Variants in TRIT1 observed in about 807,000 individuals in gnomAD.
TRIT1 encodes tRNA isopentenyltransferase 1, also known as tRNA dimethylallyltransferase.
In TRIT1, 43 loss-of-function variants were observed where a neutral mutation model predicts 51.2. The ratio of observed to expected loss-of-function variants is 0.84; its 90% CI spans 0.66 to 1.08. The LOEUF (loss-of-function observed/expected upper bound fraction) is 1.08, where lower values mean the gene tolerates loss of function less well. TRIT1 is among the 50% of genes least tolerant of loss of function. TRIT1 has a pLI of 0.00. For synonymous variants in TRIT1, 184 were observed against 203.9 expected (o/e 0.90, Z 0.83); for missense variants, 528 against 578.4 (o/e 0.91, Z 0.89).
chr1:39,854,152 T>C lies in TRIT1; in HGVS notation c.316-84A>G, dbSNP rs983973344. 1.0e-5 allele frequency: 10 copies of C among 1,001,098 alleles called. No homozygotes were observed. The African/African-American group carries it at 1.6e-4, about 16-fold the overall frequency. 62.0% of individuals were successfully genotyped at this position (1,001,098 alleles called of 1,614,324 possible). ...ACCATTAGCAAGAAACCACATTCAT[T>C]TATCTGCAGAGCAGAGGAGAAAGGG... On this transcript the variant is annotated intron_variant, in intron 2 of 10. Coordinates refer to ENST00000316891, the MANE Select transcript of TRIT1 (RefSeq NM_017646.6).
At chr1:39,871,911 A>G (rs945676655) in intron 1 of TRIT1, among the ~76,000 whole-genome samples, 1 of 151,960 alleles carries the variant, frequency 6.6e-6, no homozygotes, top group Admixed American at 6.6e-5. Flanking sequence ...AATTTTTAAA[A>G]ATGTTTTTTT....
At position 39,854,088 on chromosome 1, in the gene TRIT1, T is replaced by C. The variant is rs1209083069; in HGVS notation, c.316-20A>G. The C allele has an allele frequency of 3.9e-6, 6 of 1,528,604 alleles. No homozygotes were observed. Among genetic ancestry groups the C allele is most frequent in the Non-Finnish European group, 5.4e-6 (6 of 1,112,592 alleles). 94.7% of individuals were successfully genotyped at this position (1,528,604 alleles called of 1,614,324 possible). On this transcript the variant is annotated intron_variant, in intron 2 of 10. Transcript: ENST00000316891. Reference sequence around the variant, plus strand: ...TTCAATGTGAACATTAAGAAAGATATCACGATATCAAGAGAATCCTGACTC... The same window carrying C: ...TTCAATGTGAACATTAAGAAAGATACCACGATATCAAGAGAATCCTGACTC...
intron 1 of TRIT1, among the ~76,000 whole-genome samples, chr1:39,866,001 A>T (rs886277939): frequency 3.3e-5 from 5 of 150,640 alleles, no homozygotes; most frequent in Admixed American, 2.7e-4. Context: ...AAGGGAGGAA[A>T]GAAAGGGAAG....
chr1:39,842,153 C>T (rs572733410), intron 10 of TRIT1, among the ~76,000 whole-genome samples: 2 of 152,344 alleles, frequency 1.3e-5, no homozygotes, highest in South Asian at 4.1e-4. Flanking sequence ...AGGTACTTTA[C>T]ATCACCAATC....
At chr1:39,880,992 T>G (rs530273788) in intron 1 of TRIT1, among the ~76,000 whole-genome samples, 1 of 151,714 alleles carries the variant, frequency 6.6e-6, no homozygotes, top group East Asian at 1.9e-4. Flanking sequence ...CTGGAGCGGG[T>G]GGATCACCTG....
At chr1:39,873,170 A>G (rs1300105926) in intron 1 of TRIT1, among the ~76,000 whole-genome samples, 4 of 152,238 alleles carry the variant, frequency 2.6e-5, no homozygotes, top group Non-Finnish European at 5.9e-5. Context: ...GAAAAGAAAA[A>G]TAACACAAAA....
chr1:39,874,686 A>G lies in TRIT1; in HGVS notation c.174+8632T>C, dbSNP rs1170580416. On this transcript the variant is annotated intron_variant, in intron 1 of 10. Transcript: ENST00000316891. ...TTTTTCTTTTCTTTTTTTTTTTGAGATGGAGTTTCGCTCTTGTTGCCCAGG... is the reference window on the plus strand; with the variant it reads ...TTTTTCTTTTCTTTTTTTTTTTGAGGTGGAGTTTCGCTCTTGTTGCCCAGG... Among the ~76,000 whole-genome samples, 7 of 147,608 alleles carry G rather than the reference A, an allele frequency of 4.7e-5. No individual in the cohort carries two copies. In the East Asian group the frequency reaches 1.4e-3, roughly 30 times the overall value.
chr1:39,864,439 C>G (rs1361446598), intron 1 of TRIT1, among the ~76,000 whole-genome samples: 1 of 151,636 alleles, frequency 6.6e-6, no homozygotes, highest in Non-Finnish European at 1.5e-5. Flanking sequence ...GAAACCCCAT[C>G]TCTACTAAAA....
intron 8 of TRIT1, among the ~76,000 whole-genome samples, chr1:39,845,162 G>A (rs1243267561): frequency 2.6e-5 from 4 of 152,210 alleles, no homozygotes; most frequent in South Asian, 2.1e-4. Context: ...CCAATAAGCC[G>A]CAGAATCTGC....
chr1:39,867,849 A>G (rs1643638278), intron 1 of TRIT1, among the ~76,000 whole-genome samples: 1 of 152,132 alleles, frequency 6.6e-6, no homozygotes, highest in Non-Finnish European at 1.5e-5. Context: ...TGACTCTGGT[A>G]TATTTGTTTG....
In TRIT1 at chr1:39,869,615, G is replaced by A. The variant is rs1479029726; in HGVS notation, c.175-12198C>T. The stretch of plus-strand genomic sequence containing the variant: ...TGCCCGGCCGCCCAGTCTGGGAAGT[G>A]AGGAGCGCCTCTTCCCGGCCGCCAT... On this transcript the variant is annotated intron_variant, in intron 1 of 10. Coordinates refer to ENST00000316891, the MANE Select transcript of TRIT1 (RefSeq NM_017646.6). 3.9e-5 allele frequency among the ~76,000 whole-genome samples: 6 copies of A among 151,934 alleles called. No homozygotes were observed. In the East Asian group the frequency reaches 5.8e-4, roughly 15 times the overall value.
At chr1:39,861,053 G>A (rs1408197097) in intron 1 of TRIT1, among the ~76,000 whole-genome samples, 2 of 152,160 alleles carry the variant, frequency 1.3e-5, no homozygotes, top group African/African-American at 2.4e-5. Flanking sequence ...CTCTAGCCTG[G>A]GCGACGGAGC....
chr1:39,870,512 C>CAAAAAAAAAAAAAAAAAAA (rs1643834728), intron 1 of TRIT1, among the ~76,000 whole-genome samples: 1 of 25,934 alleles, frequency 3.9e-5, no homozygotes. Flanking sequence ...TCAATAAATA[C>CAAAAAAAAAAAAAAAAAAA]TAAAAAAAAA....
intron 8 of TRIT1, among the ~76,000 whole-genome samples, chr1:39,846,023 G>T (rs573996955): frequency 6.6e-6 from 1 of 152,318 alleles, no homozygotes; most frequent in South Asian, 2.1e-4. Context: ...TCTGTTAAAG[G>T]CTTATTGTCA....
chr1:39,863,410 A>T (rs1456120622), intron 1 of TRIT1, among the ~76,000 whole-genome samples: 2 of 152,184 alleles, frequency 1.3e-5, no homozygotes, highest in Non-Finnish European at 2.9e-5. Flanking sequence ...TAGTGAGCTA[A>T]AAAGGTGCCC....
chr1:39,859,117 C>T (rs759535165), intron 1 of TRIT1, among the ~76,000 whole-genome samples: 21 of 151,718 alleles, frequency 1.4e-4, no homozygotes, highest in Admixed American at 2.6e-4. Context: ...AGCTGGGTGT[C>T]GTGGCGTGTG....
chr1:39,879,216 C>G (rs1223728869), intron 1 of TRIT1, among the ~76,000 whole-genome samples: 1 of 151,946 alleles, frequency 6.6e-6, no homozygotes, highest in East Asian at 1.9e-4. Flanking sequence ...TTGCAGTGAG[C>G]CAAGATCATG....
At chr1:39,847,342 T>C in intron 7 of TRIT1, 45 bp from the exon 8 acceptor site, 2 of 1,586,496 alleles carry the variant, frequency 1.3e-6, no homozygotes, top group Non-Finnish European at 1.7e-6. Flanking sequence ...AAGCACTCCT[T>C]ACCCTGCAGA....
chr1:39,871,360 T>C (rs1380327672), intron 1 of TRIT1, among the ~76,000 whole-genome samples: 9 of 152,056 alleles, frequency 5.9e-5, no homozygotes, highest in Admixed American at 2.0e-4. Flanking sequence ...GGCAGGTGGA[T>C]TGCTTGAGCT....
Sources: allele counts gnomAD v4.1 joint callset (sites outside exome capture counted in the v4.1 genomes callset), GRCh38; gene constraint gnomAD v4.1.1; transcripts MANE v1.5; gene names NCBI Gene and HGNC (gene_info 2026-07-23, HGNC 2026-07-21).